Variants in EPHA3 observed in about 807,000 individuals in gnomAD.
EPHA3 encodes the protein ephrin type-A receptor 3.
In EPHA3, 42 loss-of-function variants were observed where a neutral mutation model predicts 107.1. The observed-to-expected ratio is 0.39, with a 90% CI of 0.31 to 0.51. The LOEUF (loss-of-function observed/expected upper bound fraction) is 0.51, where lower values mean the gene tolerates loss of function less well. EPHA3 is among the 20% of genes least tolerant of loss of function. The pLI is 0.78. For missense variants in EPHA3, 1,183 were observed against 1,211.2 expected (o/e 0.98, Z 0.35); for synonymous variants, 461 against 424.8 (o/e 1.09, Z -1.05).
At chr3:89,216,718 A>G (rs1034991632) in intron 3 of EPHA3, among the ~76,000 whole-genome samples, 2 of 152,090 alleles carry the variant, frequency 1.3e-5, no homozygotes, top group African/African-American at 4.8e-5. Flanking sequence ...CTTCACTTCA[A>G]ACTTATCCTT....
At chr3:89,317,740 A>G (rs920213181) in intron 3 of EPHA3, among the ~76,000 whole-genome samples, 2 of 151,794 alleles carry the variant, frequency 1.3e-5, no homozygotes, top group Non-Finnish European at 2.9e-5. Flanking sequence ...AATATATAAA[A>G]GTTAGCCTAG....
chr3:89,394,182 G>A (rs2107502100), intron 5 of EPHA3, among the ~76,000 whole-genome samples: 1 of 152,254 alleles, frequency 6.6e-6, no homozygotes, highest in East Asian at 1.9e-4. Context: ...AGGCCTACCG[G>A]GGAGAATCAC....
chr3:89,310,675 C>A (rs1706743816), intron 3 of EPHA3, among the ~76,000 whole-genome samples: 1 of 151,656 alleles, frequency 6.6e-6, no homozygotes, highest in Admixed American at 6.6e-5. Flanking sequence ...ATATAGATGT[C>A]TATATAGATA....
intron 3 of EPHA3, among the ~76,000 whole-genome samples, chr3:89,286,119 C>CGTGTGTGTGT (rs373081017): frequency 2.2e-4 from 30 of 136,656 alleles, no homozygotes; most frequent in South Asian, 5.2e-4. Context: ...TCAATTTCTA[C>CGTGTGTGTGT]GTGTGTGTGT....
chr3:89,149,770 AG>A (rs1234982887), intron 2 of EPHA3, among the ~76,000 whole-genome samples: 4 of 151,932 alleles, frequency 2.6e-5, no homozygotes, highest in Non-Finnish European at 5.9e-5. Flanking sequence ...ATATTTAAAA[AG>A]TTATAAGAAA....
chr3:89,215,541 A>G (rs1357568726), intron 3 of EPHA3, among the ~76,000 whole-genome samples: 1 of 151,924 alleles, frequency 6.6e-6, no homozygotes, highest in Non-Finnish European at 1.5e-5. Flanking sequence ...ATGTAATTGC[A>G]AACATGTTTA....
intron 9 of EPHA3, among the ~76,000 whole-genome samples, chr3:89,412,086 T>C (rs2107520974): frequency 6.6e-6 from 1 of 152,022 alleles, no homozygotes. Context: ...CATTGCAATT[T>C]CCTTTAATTT....
chr3:89,218,556 T>G lies in EPHA3; in HGVS notation c.814+8036T>G, dbSNP rs528472873. Among the ~76,000 whole-genome samples, 3 of 152,098 alleles carry G rather than the reference T, an allele frequency of 2.0e-5. No individual in the cohort carries two copies. The East Asian group carries it at 5.8e-4, about 29-fold the overall frequency. ...TATCATTGTTGGACATTTGGGTTGG[T>G]TCCAAGTCTTTGCTATTGTGAATAG... On this transcript the variant is annotated intron_variant, in intron 3 of 16. Coordinates refer to ENST00000336596, the MANE Select transcript of EPHA3 (RefSeq NM_005233.6).
At chr3:89,278,365 A>G (rs1216121536) in intron 3 of EPHA3, among the ~76,000 whole-genome samples, 1 of 152,188 alleles carries the variant, frequency 6.6e-6, no homozygotes, top group Non-Finnish European at 1.5e-5. Flanking sequence ...TCTTCCAGGT[A>G]GGAAATCAAC....
chr3:89,344,062 A>G (rs748339136), intron 5 of EPHA3, among the ~76,000 whole-genome samples: 2 of 152,170 alleles, frequency 1.3e-5, no homozygotes, highest in East Asian at 1.9e-4. Flanking sequence ...CCGGAGCGCT[A>G]TATTTCAAGC....
At chr3:89,162,269 G>A (rs1453090345) in intron 2 of EPHA3, among the ~76,000 whole-genome samples, 1 of 152,080 alleles carries the variant, frequency 6.6e-6, no homozygotes, top group East Asian at 1.9e-4. Flanking sequence ...TAGAAATGAG[G>A]AAAGCAGGAG....
chr3:89,345,953 T>C (rs904438913), intron 5 of EPHA3, among the ~76,000 whole-genome samples: 1 of 148,036 alleles, frequency 6.8e-6, no homozygotes, highest in African/African-American at 2.5e-5. Flanking sequence ...AACTCATCAT[T>C]TTTTATGGCT....
intron 2 of EPHA3, among the ~76,000 whole-genome samples, chr3:89,174,852 T>C (rs1705285668): frequency 6.6e-6 from 1 of 151,936 alleles, no homozygotes; most frequent in Non-Finnish European, 1.5e-5. Flanking sequence ...GTTTTGACCC[T>C]ACATTTTTAA....
intron 12 of EPHA3, 56 bp downstream of exon 12, chr3:89,429,223 G>T (rs781025265): frequency 2.9e-5 from 39 of 1,358,774 alleles, no homozygotes; most frequent in Non-Finnish European, 3.8e-5. Context: ...AAACATTAGA[G>T]ACACCCTCCA....
chr3:89,205,828 G>C (rs1317934703), intron 2 of EPHA3, among the ~76,000 whole-genome samples: 6 of 151,246 alleles, frequency 4.0e-5, no homozygotes, highest in Admixed American at 2.0e-4. Context: ...TCTGCCTTGA[G>C]ACAATTTCTT....
intron 3 of EPHA3, among the ~76,000 whole-genome samples, chr3:89,306,759 G>A: frequency 6.6e-6 from 1 of 152,140 alleles, no homozygotes; most frequent in East Asian, 1.9e-4. Context: ...TGTTTGGTCA[G>A]AACCGTGCTG....
chr3:89,351,992 G>A (rs1365880225), intron 5 of EPHA3, among the ~76,000 whole-genome samples: 6 of 150,598 alleles, frequency 4.0e-5, no homozygotes, highest in African/African-American at 2.4e-5. Flanking sequence ...CCAGGTGCTG[G>A]ATATGATGCA....
chr3:89,419,119 A>G, intron 10 of EPHA3, 86 bp from the exon 11 acceptor site: 1 of 1,346,656 alleles, frequency 7.4e-7, no homozygotes, highest in Non-Finnish European at 1.0e-6. Context: ...TTTAAATGGA[A>G]ATTTTGAAAT....
chr3:89,333,979 TA>T (rs1258669570), intron 3 of EPHA3, among the ~76,000 whole-genome samples: 1 of 152,198 alleles, frequency 6.6e-6, no homozygotes, highest in Non-Finnish European at 1.5e-5. Context: ...TTCTTGTCAT[TA>T]AAAGAGAAAA....
Sources: gnomAD v4.1 joint callset for allele counts (sites outside exome capture counted in the v4.1 genomes callset) on GRCh38, gnomAD v4.1.1 for gene constraint, MANE v1.5 for transcripts, NCBI Gene and HGNC (gene_info 2026-07-23, HGNC 2026-07-21) for gene names.